NSD2: variants seen among roughly 807,000 people sequenced by gnomAD.
NSD2 encodes nuclear receptor binding SET domain protein 2.
In NSD2, 12 loss-of-function variants were observed where a neutral mutation model predicts 139.0. The observed-to-expected ratio is 0.09, with a 90% CI of 0.06 to 0.14. The LOEUF is 0.14. NSD2 is among the 10% of genes least tolerant of loss of function. The probability of loss-of-function intolerance (pLI) is 1.00; values close to 1 mark genes in which losing one functional copy is unlikely to be tolerated. For missense variants in NSD2, 1,155 were observed against 1,745.0 expected, an observed-to-expected ratio of 0.66 and a Z score of 6.02; for synonymous variants, 669 against 648.7, an observed-to-expected ratio of 1.03 and a Z score of -0.48.
intron 1 of NSD2, among the ~76,000 whole-genome samples, chr4:1,894,220 G>A (rs1715929678): frequency 6.6e-6 from 1 of 152,178 alleles, no homozygotes; most frequent in South Asian, 2.1e-4. Context: ...GCCTCCCAAA[G>A]TGGTGGGATT....
chr4:1,872,919 G>C (rs186447262), intron 1 of NSD2, among the ~76,000 whole-genome samples: 1 of 152,264 alleles, frequency 6.6e-6, no homozygotes, highest in Non-Finnish European at 1.5e-5. Flanking sequence ...AATGTGATGA[G>C]AACAACAATA....
intron 5 of NSD2, 151 bp from the exon 6 acceptor site, chr4:1,930,475 T>C (rs912759507): frequency 4.9e-5 from 39 of 803,456 alleles, no homozygotes; most frequent in Non-Finnish European, 6.7e-5. Context: ...ACTACTTTTC[T>C]TTGAAGCTTT....
At position 1,951,167 on chromosome 4, in the gene NSD2, G is replaced by T; in HGVS notation, c.1977G>T (p.Glu659Asp). 1 of 1,614,226 alleles carries T rather than the reference G, an allele frequency of 6.2e-7. No individual in the cohort carries two copies. Among genetic ancestry groups the T allele is most frequent in the Non-Finnish European group, 8.5e-7 (1 of 1,180,040 alleles). Reference sequence around the variant, plus strand: ...TATCTGTCTCATCCAAAAAGTCTGAGCGAGGAGTGACTGCCAAAAAGGAGT... The same window carrying T: ...TATCTGTCTCATCCAAAAAGTCTGATCGAGGAGTGACTGCCAAAAAGGAGT... ...TEVSVSSKKS[E>D]RGVTAKKEYV... is the part of the protein sequence containing the mutation. The change falls in exon 10 of 22, where the codon GAG becomes GAT. Residue 659 changes from glutamate to aspartate, a missense_variant. Coordinates refer to ENST00000508803, the MANE Select transcript of NSD2 (RefSeq NM_001042424.3).
At chr4:1,881,020 A>G (rs1473617219) in intron 1 of NSD2, among the ~76,000 whole-genome samples, 1 of 152,182 alleles carries the variant, frequency 6.6e-6, no homozygotes, top group Non-Finnish European at 1.5e-5. Flanking sequence ...ACATTTACTG[A>G]TGAAATGGTA....
chr4:1,932,965 C>T (rs902067898), intron 6 of NSD2, among the ~76,000 whole-genome samples: 14 of 152,182 alleles, frequency 9.2e-5, no homozygotes, highest in Non-Finnish European at 1.5e-4. Flanking sequence ...AGGGGGGCCT[C>T]GAGAGTTTGG....
chr4:1,897,022 T>C lies in NSD2; in HGVS notation c.-29-3604T>C, dbSNP rs367692823. Among the ~76,000 whole-genome samples, 55 of 151,558 alleles carry C rather than the reference T, an allele frequency of 3.6e-4. No homozygotes were observed. In the East Asian group the frequency reaches 6.5e-3, roughly 18 times the overall value. On this transcript the variant is annotated intron_variant, in intron 1 of 21. Transcript: ENST00000508803. ...TTTGTACAAAAACACAAAAATTAGCTGGGCATGGTGGCAAGTGCCTTGTAG... is the reference window on the plus strand; with the variant it reads ...TTTGTACAAAAACACAAAAATTAGCCGGGCATGGTGGCAAGTGCCTTGTAG...
chr4:1,885,250 G>C (rs1033393874), intron 1 of NSD2, among the ~76,000 whole-genome samples: 1 of 152,156 alleles, frequency 6.6e-6, no homozygotes, highest in African/African-American at 2.4e-5. Flanking sequence ...TATGTTCACA[G>C]CTGCTATAAG....
chr4:1,929,609 G>A (rs535590199), intron 5 of NSD2, among the ~76,000 whole-genome samples: 1 of 152,310 alleles, frequency 6.6e-6, no homozygotes, highest in Admixed American at 6.5e-5. Flanking sequence ...GGGAACAAAT[G>A]CATGGGGCTG....
rs149810908 is a variant in NSD2, at chr4:1,935,172, C to A, written c.1584C>A (p.His528Gln). The A allele has an allele frequency of 7.6e-5, 123 of 1,612,244 alleles. No individual in the cohort carries two copies. In the East Asian group the frequency reaches 2.2e-3, roughly 29 times the overall value. ...ATGTAAATGGGAAAAAAAGAAACCA[C>A]ACAAAGAGGATACAGGACCCTACAG... ...SGNVNGKKRN[H>Q]TKRIQDPTED... Residue 528 changes from histidine to glutamine, a missense_variant, in exon 7 of 22, where the codon CAC becomes CAA. His to Gln is a conservative substitution (Grantham distance 24). Transcript: ENST00000508803.
At chr4:1,928,654 C>T (rs1449999061) in intron 5 of NSD2, among the ~76,000 whole-genome samples, 1 of 151,992 alleles carries the variant, frequency 6.6e-6, no homozygotes, top group Admixed American at 6.6e-5. Context: ...GCGCTTGTGA[C>T]TCTGCTTTGA....
At chr4:1,896,559 T>C (rs1450618821) in intron 1 of NSD2, among the ~76,000 whole-genome samples, 1 of 151,996 alleles carries the variant, frequency 6.6e-6, no homozygotes, top group East Asian at 1.9e-4. Flanking sequence ...AGAGACAGGG[T>C]CTCACTATGC....
intron 3 of NSD2, 85 bp downstream of exon 3, chr4:1,904,463 A>T: frequency 1.4e-6 from 2 of 1,426,452 alleles, no homozygotes; most frequent in Non-Finnish European, 1.9e-6. Flanking sequence ...TACTCTTTCT[A>T]AATAGCCCTG....
At chr4:1,891,856 CAAA>C (rs74332369) in intron 1 of NSD2, among the ~76,000 whole-genome samples, 6 of 59,204 alleles carry the variant, frequency 1.0e-4, no homozygotes, top group Admixed American at 4.0e-4. Flanking sequence ...GACTCCATCT[CAAA>C]AAAAAAAAAA....
intron 18 of NSD2, among the ~76,000 whole-genome samples, chr4:1,968,962 C>T (rs1212164957): frequency 6.6e-6 from 1 of 152,206 alleles, no homozygotes; most frequent in Admixed American, 6.5e-5. Context: ...AAAAAATGTA[C>T]ACAAAGTACA....
Position 1,980,266 on chromosome 4 carries a change from T to A in NSD2, c.*1357T>A, listed in dbSNP as rs930205010. On this transcript the variant is annotated 3_prime_UTR_variant, in exon 22 of 22. Transcript: ENST00000508803. ...CTGAGTACTACATATGTTTTAAGAC[T>A]TGGTTCTTTTTTTGAGGGATCCTTG... 4 of 233,084 alleles carry A rather than the reference T, an allele frequency of 1.7e-5. No homozygotes were observed. Among genetic ancestry groups the A allele is most frequent in the Non-Finnish European group, 3.4e-5 (4 of 118,026 alleles). 14.4% of individuals were successfully genotyped at this position (233,084 alleles called of 1,614,324 possible).
At position 1,980,481 on chromosome 4, in the gene NSD2, A is replaced by G. The variant is rs886059328; in HGVS notation, c.*1572A>G. 5.6e-5 allele frequency: 13 copies of G among 233,138 alleles called. No homozygotes were observed. The highest frequency in any genetic ancestry group is 1.0e-4 in the Non-Finnish European group (12 of 118,028). 14.4% of individuals were successfully genotyped at this position (233,138 alleles called of 1,614,324 possible). A position where few individuals can be genotyped will look rare whatever the true frequency, so the allele number is the denominator to read the frequency against. On this transcript the variant is annotated 3_prime_UTR_variant, in exon 22 of 22. Transcript: ENST00000508803. ...AGAGAAGTTTACAGAACTCCCCTTGAAAACTGCTGCTGAGGCTCCTGTTAA... is the reference window on the plus strand; with the variant it reads ...AGAGAAGTTTACAGAACTCCCCTTGGAAACTGCTGCTGAGGCTCCTGTTAA...
chr4:1,973,162 G>C lies in NSD2; in HGVS notation c.3373-1701G>C, dbSNP rs1039244634. Among the ~76,000 whole-genome samples, 2 of 152,176 alleles carry C rather than the reference G, an allele frequency of 1.3e-5. No individual in the cohort carries two copies. The highest frequency in any genetic ancestry group is 4.8e-5 in the African/African-American group (2 of 41,422). Reference sequence around the variant, plus strand: ...GCCCGGCCGACATATTGTTATAAAGGGGTCTGATGTTTGGAATATCTAGGG... The same window carrying C: ...GCCCGGCCGACATATTGTTATAAAGCGGTCTGATGTTTGGAATATCTAGGG... On this transcript the variant is annotated intron_variant, in intron 18 of 21. Transcript: ENST00000508803. This position sits in a 1 kb window ranked among gnomAD's most constrained non-coding sequence, Gnocchi z 5.5.
intron 1 of NSD2, among the ~76,000 whole-genome samples, chr4:1,897,020 G>A (rs1577381532): frequency 6.6e-6 from 1 of 151,816 alleles, no homozygotes; most frequent in South Asian, 2.1e-4. Flanking sequence ...ACAAAAATTA[G>A]CTGGGCATGG....
intron 1 of NSD2, among the ~76,000 whole-genome samples, chr4:1,878,902 C>T (rs141397822): frequency 1.0e-3 from 156 of 152,206 alleles, no homozygotes; most frequent in Non-Finnish European, 1.8e-3. Flanking sequence ...TGGGCCATAG[C>T]GTGAGAGTGG....
Sources: gnomAD v4.1 joint callset for allele counts (sites outside exome capture counted in the v4.1 genomes callset) on GRCh38, gnomAD v4.1.1 for gene constraint, Gnocchi (gnomAD v3.1) non-coding constraint, MANE v1.5 for transcripts, NCBI Gene and HGNC (gene_info 2026-07-23, HGNC 2026-07-21) for gene names.